CDH2: variants seen among roughly 807,000 people sequenced by gnomAD.
CDH2 encodes cadherin 2.
A neutral mutation model predicts 92.0 loss-of-function variants in CDH2; 17 were observed. That is an observed-to-expected ratio of 0.18 (90% CI 0.13 to 0.28). CDH2 has a LOEUF of 0.28. Ranked by LOEUF, CDH2 falls within the 10% of genes least tolerant of loss-of-function variation. CDH2 has a pLI of 1.00. For synonymous variants in CDH2, 419 were observed against 415.9 expected, an observed-to-expected ratio of 1.01 and a Z score of -0.09; for missense variants, 862 against 1,133.1, an observed-to-expected ratio of 0.76 and a Z score of 3.44.
At chr18:28,166,578 A>G (rs1331969867) in intron 1 of CDH2, among the ~76,000 whole-genome samples, 1 of 152,226 alleles carries the variant, frequency 6.6e-6, no homozygotes, top group Non-Finnish European at 1.5e-5. Context: ...AAACACAAAC[A>G]TGGTATGTAC....
At chr18:28,096,754 AC>A (rs1567997082) in intron 2 of CDH2, among the ~76,000 whole-genome samples, 1 of 152,228 alleles carries the variant, frequency 6.6e-6, no homozygotes, top group Non-Finnish European at 1.5e-5. Flanking sequence ...CATAAACAAA[AC>A]AAAAATTTGT....
intron 1 of CDH2, among the ~76,000 whole-genome samples, chr18:28,165,953 AAAATAAAGC>A (rs1260058872): frequency 6.6e-6 from 1 of 151,680 alleles, no homozygotes; most frequent in Non-Finnish European, 1.5e-5. Context: ...TCCAGGGGAC[AAAATAAAGC>A]AAGACCTCTT....
chr18:28,026,214 C>G (rs2013549649), intron 2 of CDH2, among the ~76,000 whole-genome samples: 1 of 152,136 alleles, frequency 6.6e-6, no homozygotes, highest in Admixed American at 6.6e-5. Context: ...TCTTCTACTT[C>G]CCCCTGGGAG....
At chr18:27,933,120 G>A (rs1390317302) in exon 7 of CDH2, among the ~76,000 whole-genome samples, 1 of 151,814 alleles carries the variant, frequency 6.6e-6, no homozygotes, top group African/African-American at 2.4e-5. Context: ...TATGGGCCAG[G>A]TTTTCTGTAG....
chr18:27,964,288 T>A (rs537172524), intron 14 of CDH2, among the ~76,000 whole-genome samples: 116 of 152,270 alleles, frequency 7.6e-4, no homozygotes, highest in Middle Eastern at 3.4e-3. Context: ...AAGTACAACT[T>A]GTGAAGAAGG....
chr18:28,016,823 AC>A (rs2013261785), intron 2 of CDH2, among the ~76,000 whole-genome samples: 1 of 152,192 alleles, frequency 6.6e-6, no homozygotes, highest in African/African-American at 2.4e-5. Context: ...CTCTGAGAGT[AC>A]CACAGTAAAT....
At chr18:28,114,627 G>A (rs768473676) in intron 2 of CDH2, among the ~76,000 whole-genome samples, 5 of 152,116 alleles carry the variant, frequency 3.3e-5, no homozygotes, top group Non-Finnish European at 7.4e-5. Flanking sequence ...CCATGGAGCA[G>A]TCAAAGGTGG....
chr18:28,039,174 A>G (rs1284087596), intron 2 of CDH2, among the ~76,000 whole-genome samples: 1 of 152,016 alleles, frequency 6.6e-6, no homozygotes, highest in Non-Finnish European at 1.5e-5. Context: ...TCCTTTCCAC[A>G]GCTATTGGAA....
At chr18:27,935,275 A>G (rs1420547569) in intron 6 of CDH2, among the ~76,000 whole-genome samples, 1 of 152,178 alleles carries the variant, frequency 6.6e-6, no homozygotes, top group African/African-American at 2.4e-5. Flanking sequence ...AGGCCTCAGG[A>G]AACTTCTAGT....
At chr18:27,945,998 A>T (rs562141827), downstream of CDH2, among the ~76,000 whole-genome samples, 13 of 152,332 alleles carry the variant, frequency 8.5e-5, no homozygotes, top group African/African-American at 3.1e-4. Flanking sequence ...AGCAAAAGAA[A>T]GCAGGTATGG....
intron 1 of CDH2, chr18:28,159,196 C>CT (rs2016267893): frequency 6.6e-6 from 1 of 152,238 alleles, no homozygotes; most frequent in African/African-American, 2.4e-5. Flanking sequence ...GTGCCCAACC[C>CT]TGTCCCCTAC....
chr18:27,990,904 G>A (rs188858235), intron 9 of CDH2, among the ~76,000 whole-genome samples: 26 of 152,082 alleles, frequency 1.7e-4, no homozygotes, highest in East Asian at 5.8e-4. Flanking sequence ...ATACATAATC[G>A]CACACACACC....
chr18:28,089,904 G>T (rs548984852), intron 2 of CDH2, among the ~76,000 whole-genome samples: 26 of 152,256 alleles, frequency 1.7e-4, no homozygotes, highest in Middle Eastern at 3.4e-3. Context: ...CCACACTTCA[G>T]ATCCATATTC....
intron 1 of CDH2, among the ~76,000 whole-genome samples, chr18:28,161,414 A>G (rs2016304494): frequency 1.3e-5 from 2 of 151,802 alleles, no homozygotes; most frequent in African/African-American, 4.8e-5. Flanking sequence ...CCCCATCTCT[A>G]CCAAAAAATA....
At position 27,985,146 on chromosome 18, in the gene CDH2, G is replaced by T; in HGVS notation, c.2063C>A (p.Pro688His). 6.2e-7 allele frequency: 1 copy of T among 1,612,730 alleles called. No homozygotes were observed. Among genetic ancestry groups the T allele is most frequent in the Non-Finnish European group, 8.5e-7 (1 of 1,178,778 alleles). ...CAGGATGGAAATATTTGATTTGGGA[G>T]GATTACCCGAATCTGTGATTATGAT... ...VPIIITDSGN[P>H]PKSNISILRV... Residue 688 changes from proline to histidine, a missense_variant, in exon 13 of 16, where the codon CCT becomes CAT. Pro to His is a moderately conservative substitution (Grantham distance 77, BLOSUM62 -2). Coordinates refer to ENST00000269141, the MANE Select transcript of CDH2 (RefSeq NM_001792.5).
chr18:28,027,205 G>A (rs1160177579), intron 2 of CDH2, among the ~76,000 whole-genome samples: 2 of 152,034 alleles, frequency 1.3e-5, no homozygotes, highest in East Asian at 1.9e-4. Flanking sequence ...CTAGCCCATC[G>A]TGTCTAATAA....
chr18:28,158,972 T>C (rs1453058342), intron 1 of CDH2, among the ~76,000 whole-genome samples: 1 of 152,202 alleles, frequency 6.6e-6, no homozygotes, highest in Admixed American at 6.5e-5. Context: ...ATATTTTAAG[T>C]GAATTAAATA....
chr18:28,031,334 C>A (rs1273724153), intron 2 of CDH2, among the ~76,000 whole-genome samples: 2 of 151,934 alleles, frequency 1.3e-5, no homozygotes, highest in Non-Finnish European at 2.9e-5. Flanking sequence ...ATCAAGACGA[C>A]CAATTCTCAT....
chr18:28,044,053 C>T (rs1320193072), intron 2 of CDH2, among the ~76,000 whole-genome samples: 1 of 151,888 alleles, frequency 6.6e-6, no homozygotes, highest in Non-Finnish European at 1.5e-5. Context: ...GCTGGGATTA[C>T]AGGCACCTGC....
Sources: gnomAD v4.1 joint callset for allele counts (sites outside exome capture counted in the v4.1 genomes callset) on GRCh38, gnomAD v4.1.1 for gene constraint, MANE v1.5 for transcripts, NCBI Gene and HGNC (gene_info 2026-07-23, HGNC 2026-07-21) for gene names.